The following DDX46 variants were observed in gnomAD, a reference collection of about 807,000 sequenced individuals.
DDX46 encodes the protein DEAD-box helicase 46, also known as probable ATP-dependent RNA helicase DDX46.
A neutral mutation model predicts 134.9 loss-of-function variants in DDX46; 30 were observed. The ratio of observed to expected loss-of-function variants is 0.22; its 90% CI spans 0.17 to 0.30. DDX46 has a LOEUF of 0.30. DDX46 is among the 10% of genes least tolerant of loss of function. The pLI, the probability that DDX46 is intolerant of heterozygous loss-of-function variation, is 1.00. For synonymous variants in DDX46, 415 were observed against 404.1 expected, an observed-to-expected ratio of 1.03 and a Z score of -0.32; for missense variants, 622 against 1,248.7, an observed-to-expected ratio of 0.50 and a Z score of 7.56.
At chr5:134,767,614 TA>T (rs945498039) in intron 3 of DDX46, among the ~76,000 whole-genome samples, 6 of 151,788 alleles carry the variant, frequency 4.0e-5, no homozygotes, top group African/African-American at 1.5e-4. Context: ...GTGCTGGGAT[TA>T]CAGGCCTGAG....
At chr5:134,765,702 T>G (rs2150129526) in intron 2 of DDX46, among the ~76,000 whole-genome samples, 1 of 152,270 alleles carries the variant, frequency 6.6e-6, no homozygotes, top group Non-Finnish European at 1.5e-5. Flanking sequence ...CTTGCCCAGT[T>G]TCTCATTAAA....
chr5:134,784,873 G>A (rs146084977), intron 10 of DDX46, among the ~76,000 whole-genome samples: 10 of 152,278 alleles, frequency 6.6e-5, no homozygotes, highest in Non-Finnish European at 1.5e-4. Flanking sequence ...ATATAAAAGC[G>A]ACATGGAAGA....
At position 134,788,494 on chromosome 5, in the gene DDX46, G is replaced by A; in HGVS notation, c.1465-19G>A. On this transcript the variant is annotated intron_variant, in intron 11 of 22. Coordinates refer to ENST00000452510, the MANE Select transcript of DDX46 (RefSeq NM_001300860.2). ...GTAAGCATTAGTAATAGACTATAAA[G>A]TTTCATCTTTTTTATTAGATTGCTG... The A allele has an allele frequency of 6.2e-7, 1 of 1,606,252 alleles. No individual in the cohort carries two copies. The highest frequency in any genetic ancestry group is 1.1e-5 in the South Asian group (1 of 90,770).
chr5:134,787,972 T>C (rs1351133684), intron 11 of DDX46, among the ~76,000 whole-genome samples: 1 of 144,688 alleles, frequency 6.9e-6, no homozygotes, highest in Non-Finnish European at 1.5e-5. Context: ...TGACCTATGA[T>C]GACACTGCTG....
At position 134,777,606 on chromosome 5, in the gene DDX46, G is replaced by C. The variant is rs1753986709; in HGVS notation, c.646G>C (p.Glu216Gln). The change falls in exon 6 of 23, where the codon GAG becomes CAG. Residue 216 changes from glutamate (E) to glutamine (Q), a missense_variant. Physicochemically the swap from Glu to Gln is conservative, Grantham distance 29. This residue lies in a region of DDX46 where 244 missense variants were observed against 349.3 expected (regional missense o/e 0.70). Coordinates refer to ENST00000452510, the MANE Select transcript of DDX46 (RefSeq NM_001300860.2). ...AGATGATCCTGCAGAAGCTGAAAAG[G>C]AGGGAAATGAAATGGAGGGTGAGGA... ...DEDDPAEAEK[E>Q]GNEMEGEELD... The C allele has an allele frequency of 6.2e-7, 1 of 1,613,462 alleles. No homozygotes were observed. Among genetic ancestry groups the C allele is most frequent in the South Asian group, 1.1e-5 (1 of 91,008 alleles).
intron 15 of DDX46, among the ~76,000 whole-genome samples, chr5:134,798,590 G>A (rs1754738059): frequency 6.6e-6 from 1 of 152,164 alleles, no homozygotes; most frequent in Admixed American, 6.6e-5. Flanking sequence ...TTTCTAGAAC[G>A]TTTTAATCAC....
intron 3 of DDX46, among the ~76,000 whole-genome samples, chr5:134,768,061 C>T (rs145260962): frequency 6.6e-6 from 1 of 151,048 alleles, no homozygotes; most frequent in Non-Finnish European, 1.5e-5. Flanking sequence ...GGCATCCATA[C>T]ACATGGTAAT....
chr5:134,765,873 A>G (rs1282048826), intron 2 of DDX46, among the ~76,000 whole-genome samples: 2 of 152,244 alleles, frequency 1.3e-5, no homozygotes, highest in East Asian at 3.8e-4. Flanking sequence ...TCCTAGGAAC[A>G]ATTTCACACA....
Position 134,758,953 on chromosome 5 carries a change from A to G in DDX46, c.15A>G (p.Ser5=), listed in dbSNP as rs771842308. 18 of 1,612,160 alleles carry G rather than the reference A, an allele frequency of 1.1e-5. No individual in the cohort carries two copies. The East Asian group carries it at 3.8e-4, about 34-fold the overall frequency. ...CGGTCGGCAGCATGGGTCGGGAGTC[A>G]CGGTGAGGCAGAGCGCCGAGCGGGC... MGRE[S]RHYRKRSASR... Residue 5 remains serine, a splice_region_variant and synonymous_variant, in exon 1 of 23, where the codon TCA becomes TCG. Transcript: ENST00000452510.
chr5:134,824,564 A>T (rs1432767602), intron 21 of DDX46, among the ~76,000 whole-genome samples: 1 of 152,170 alleles, frequency 6.6e-6, no homozygotes, highest in African/African-American at 2.4e-5. Context: ...GGGCAAAAAC[A>T]GCGAAACTCT....
Position 134,773,839 on chromosome 5 carries a change from G to C in DDX46, c.591G>C (p.Lys197Asn). 2 of 1,610,178 alleles carry C rather than the reference G, an allele frequency of 1.2e-6. No individual in the cohort carries two copies. Among genetic ancestry groups the C allele is most frequent in the South Asian group, 2.2e-5 (2 of 90,400 alleles). The stretch of plus-strand genomic sequence containing the variant: ...TCGAAGAGATGAAACAAGGGAAAAA[G>C]TGGAGTTTAGAGGACGATGATGGTA... ...KEIEEMKQGKKWSLEDDDDDE... is the reference protein window; with the variant it reads ...KEIEEMKQGKNWSLEDDDDDE... The change falls in exon 5 of 23, where the codon AAG becomes AAC. Residue 197 changes from lysine to asparagine, a missense_variant. By Grantham distance (94) the Lys-to-Asn change is moderately conservative. Coordinates refer to ENST00000452510, the MANE Select transcript of DDX46 (RefSeq NM_001300860.2).
intron 18 of DDX46, 42 bp downstream of exon 18, chr5:134,811,887 T>A (rs1406456793): frequency 1.9e-6 from 3 of 1,591,906 alleles, no homozygotes; most frequent in Non-Finnish European, 2.6e-6. Flanking sequence ...AAGCAGTTAT[T>A]TCTTTTGTAC....
chr5:134,829,923 A>C lies in DDX46; in HGVS notation c.*1217A>C, dbSNP rs1041995493. The C allele has an allele frequency of 3.9e-5, 6 of 151,990 alleles. No homozygotes were observed. Among genetic ancestry groups the C allele is most frequent in the African/African-American group, 1.5e-4 (6 of 41,350 alleles). 9.4% of individuals were successfully genotyped at this position (151,990 alleles called of 1,614,324 possible). On this transcript the variant is annotated 3_prime_UTR_variant, in exon 23 of 23. Coordinates refer to ENST00000452510, the MANE Select transcript of DDX46 (RefSeq NM_001300860.2). Reference sequence around the variant, plus strand: ...CCAGCCTGGGCGACAGAGTGAGACTATCTCAAAAATAAATAAATAAATAAA... The same window carrying C: ...CCAGCCTGGGCGACAGAGTGAGACTCTCTCAAAAATAAATAAATAAATAAA...
intron 15 of DDX46, among the ~76,000 whole-genome samples, chr5:134,807,067 T>C (rs921938976): frequency 4.0e-4 from 61 of 151,032 alleles, no homozygotes; most frequent in Admixed American, 1.8e-3. Context: ...TTTTTTTTTT[T>C]CCCCGAGACA....
At position 134,828,640 on chromosome 5, in the gene DDX46, C is replaced by A; in HGVS notation, c.3052-19C>A. The A allele has an allele frequency of 7.1e-7, 1 of 1,414,954 alleles. No individual in the cohort carries two copies. The highest frequency in any genetic ancestry group is 1.5e-5 in the South Asian group (1 of 64,780). The allele number at this position is 1,414,954 out of a possible 1,614,324, so 87.6% of individuals were successfully genotyped here. On this transcript the variant is annotated intron_variant, in intron 22 of 22. Transcript: ENST00000452510. ...TGTTTTGCTTTCTCTGATGACATAT[C>A]TTTTATTTCCTATTACAGCAAAATT...
rs894536449 is a variant in DDX46 at position 134,764,559 on chromosome 5, A to G, written c.206+467A>G. On this transcript the variant is annotated intron_variant, in intron 2 of 22. Coordinates refer to ENST00000452510, the MANE Select transcript of DDX46 (RefSeq NM_001300860.2). The stretch of plus-strand genomic sequence containing the variant: ...TGGCCTCCCAAAGTGCTGGGATTAC[A>G]TGTGTGAGCCACCGTGTCCGACCAT... Among the ~76,000 whole-genome samples the G allele has an allele frequency of 5.9e-5, 9 of 152,120 alleles. No individual in the cohort carries two copies. In the South Asian group the frequency reaches 1.4e-3, roughly 24 times the overall value.
chr5:134,771,372 T>C (rs796170596), intron 4 of DDX46, among the ~76,000 whole-genome samples: 26 of 142,080 alleles, frequency 1.8e-4, no homozygotes, highest in African/African-American at 2.8e-4. Context: ...AGATTACAGG[T>C]GTGAGCCACC....
At chr5:134,767,272 T>C (rs1233142701) in intron 3 of DDX46, among the ~76,000 whole-genome samples, 3 of 152,208 alleles carry the variant, frequency 2.0e-5, no homozygotes, top group African/African-American at 7.2e-5. Context: ...TAACATTCAA[T>C]ACATTGTATT....
At position 134,829,950 on chromosome 5, in the gene DDX46, A is replaced by AAATG. The variant is rs1755692025; in HGVS notation, c.*1247_*1248insGAAT. ...CTCAAAAATAAATAAATAAATAAAT[A>AAATG]AATAGTATTTTTGAGCCTTCAAGAT... On this transcript the variant is annotated 3_prime_UTR_variant, in exon 23 of 23. Coordinates refer to ENST00000452510, the MANE Select transcript of DDX46 (RefSeq NM_001300860.2). 1 of 151,914 alleles carries AAATG rather than the reference A, an allele frequency of 6.6e-6. No individual in the cohort carries two copies. The highest frequency in any genetic ancestry group is 2.4e-5 in the African/African-American group (1 of 41,370). 9.4% of individuals were successfully genotyped at this position (151,914 alleles called of 1,614,324 possible). A position where few individuals can be genotyped will look rare whatever the true frequency, so the allele number is the denominator to read the frequency against.
Sources: allele counts gnomAD v4.1 joint callset (sites outside exome capture counted in the v4.1 genomes callset), GRCh38; gene constraint gnomAD v4.1.1; regional missense constraint gnomAD v4.1.1; transcripts MANE v1.5; gene names NCBI Gene and HGNC (gene_info 2026-07-23, HGNC 2026-07-21).